The following TRMT11 variants were observed in gnomAD, a reference collection of about 807,000 sequenced individuals.
The protein encoded by TRMT11 is tRNA methyltransferase 11.
TRMT11 carries 53 observed loss-of-function variants against 62.8 expected under a neutral mutation model. The ratio of observed to expected loss-of-function variants is 0.84; its 90% CI spans 0.68 to 1.06. TRMT11 has a LOEUF of 1.06. Ranked by LOEUF, TRMT11 falls within the 50% of genes least tolerant of loss-of-function variation. The pLI is 0.00. For missense variants in TRMT11, 556 were observed against 553.4 expected (o/e 1.00, Z -0.05); for synonymous variants, 188 against 190.3 (o/e 0.99, Z 0.10).
In TRMT11 at chr6:125,998,262, A is replaced by T. The variant is rs1369362782; in HGVS notation, c.334A>T (p.Ile112Phe). 2 of 1,602,548 alleles carry T rather than the reference A, an allele frequency of 1.2e-6. No homozygotes were observed. The highest frequency in any genetic ancestry group is 1.3e-5 in the African/African-American group (1 of 74,622). The change falls in exon 5 of 13, where the codon ATT becomes TTT. Residue 112 changes from isoleucine (I) to phenylalanine (F), a missense_variant. Physicochemically the swap from Ile to Phe is conservative, Grantham distance 21. Coordinates refer to ENST00000334379, the MANE Select transcript of TRMT11 (RefSeq NM_001031712.3). ...LHSDSTYKIK[I>F]HTFNKTLTQE... Reference sequence around the variant, plus strand: ...TTCGGACTCTACATATAAAATAAAGATTCACACTTTTAATAAGACATTGAC... The same window carrying T: ...TTCGGACTCTACATATAAAATAAAGTTTCACACTTTTAATAAGACATTGAC...
intron 18 of TRMT11, among the ~76,000 whole-genome samples, chr6:126,114,680 A>G (rs1777568127): frequency 1.3e-5 from 2 of 152,082 alleles, no homozygotes; most frequent in Admixed American, 1.3e-4. Flanking sequence ...GGAATCATGT[A>G]TTATTCATCT....
chr6:126,112,798 G>C (rs932034847), intron 17 of TRMT11, among the ~76,000 whole-genome samples: 1 of 151,786 alleles, frequency 6.6e-6, no homozygotes, highest in South Asian at 2.1e-4. Flanking sequence ...CTTTCTTTCA[G>C]TCATTGACTG....
intron 21 of TRMT11, among the ~76,000 whole-genome samples, chr6:126,156,419 A>G (rs983441021): frequency 5.3e-5 from 8 of 152,148 alleles, no homozygotes; most frequent in Non-Finnish European, 8.8e-5. Flanking sequence ...AGGCTTTCCT[A>G]TCCATCCTCT....
At chr6:126,240,174 G>T in the TRMT11 span, among the ~76,000 whole-genome samples, 1 of 152,168 alleles carries the variant, frequency 6.6e-6, no homozygotes, top group Admixed American at 6.5e-5. Flanking sequence ...TTAGCTTGGA[G>T]AAGTTTGATC....
intron 17 of TRMT11, among the ~76,000 whole-genome samples, chr6:126,078,507 T>G (rs1320251983): frequency 6.6e-6 from 1 of 152,132 alleles, no homozygotes; most frequent in Non-Finnish European, 1.5e-5. Flanking sequence ...TGAAGAGGTT[T>G]CTATTTCATA....
At chr6:126,221,460 G>A in the TRMT11 span, among the ~76,000 whole-genome samples, 7 of 152,256 alleles carry the variant, frequency 4.6e-5, no homozygotes, top group South Asian at 4.1e-4. Flanking sequence ...TCTGACTGGT[G>A]TAAGATGGTA....
chr6:126,235,125 G>C, the TRMT11 span, among the ~76,000 whole-genome samples: 18 of 152,214 alleles, frequency 1.2e-4, no homozygotes, highest in African/African-American at 4.1e-4. Context: ...CTGATCATTA[G>C]AGCAATGCAA....
At chr6:126,095,031 C>T (rs975902680) in intron 17 of TRMT11, among the ~76,000 whole-genome samples, 1 of 152,136 alleles carries the variant, frequency 6.6e-6, no homozygotes, top group Non-Finnish European at 1.5e-5. Context: ...TGTTTTCATT[C>T]TACATTAAGA....
the TRMT11 span, among the ~76,000 whole-genome samples, chr6:126,261,441 C>T: frequency 4.1e-4 from 62 of 151,742 alleles, no homozygotes; most frequent in African/African-American, 1.4e-3. Context: ...TTTTTGGAGT[C>T]TGCTACTAAG....
At chr6:126,269,120 C>T in the TRMT11 span, among the ~76,000 whole-genome samples, 1 of 150,412 alleles carries the variant, frequency 6.6e-6, no homozygotes, top group Non-Finnish European at 1.5e-5. Flanking sequence ...AAAAATTAGC[C>T]GGGCGTAGTG....
chr6:126,134,547 G>A (rs1777828699), intron 21 of TRMT11, among the ~76,000 whole-genome samples: 1 of 151,810 alleles, frequency 6.6e-6, no homozygotes, highest in Admixed American at 6.6e-5. Context: ...TACAATAGAA[G>A]TAGGATACTT....
intron 2 of TRMT11, among the ~76,000 whole-genome samples, chr6:125,994,959 C>A (rs1791243444): frequency 6.6e-6 from 1 of 152,174 alleles, no homozygotes; most frequent in African/African-American, 2.4e-5. Flanking sequence ...AGGGAAACAA[C>A]ACACACTGGA....
chr6:126,077,260 G>A (rs1361061101), intron 17 of TRMT11, among the ~76,000 whole-genome samples: 1 of 152,160 alleles, frequency 6.6e-6, no homozygotes, highest in South Asian at 2.1e-4. Context: ...GGAGCCAAAA[G>A]AAGTTGGAGC....
chr6:126,204,382 G>A (rs1399439041), downstream of TRMT11, among the ~76,000 whole-genome samples: 3 of 152,142 alleles, frequency 2.0e-5, no homozygotes, highest in East Asian at 1.9e-4. Flanking sequence ...ATTCAGGACC[G>A]GATTCTCTGC....
At chr6:126,087,978 G>A (rs545310127) in intron 17 of TRMT11, among the ~76,000 whole-genome samples, 1 of 152,232 alleles carries the variant, frequency 6.6e-6, no homozygotes, top group Non-Finnish European at 1.5e-5. Flanking sequence ...CTCTAATGAT[G>A]TTTTTGTGTG....
intron 2 of TRMT11, 44 bp downstream of exon 2, chr6:125,993,866 T>C: frequency 8.3e-7 from 1 of 1,204,000 alleles, no homozygotes. Flanking sequence ...TACTTAGAAA[T>C]AGAGCCTTGG....
At chr6:126,225,294 T>C in the TRMT11 span, among the ~76,000 whole-genome samples, 4 of 152,254 alleles carry the variant, frequency 2.6e-5, no homozygotes, top group South Asian at 6.2e-4. Flanking sequence ...CTCCTGCAGC[T>C]AGGATCCTGG....
the TRMT11 span, among the ~76,000 whole-genome samples, chr6:126,244,356 T>C: frequency 6.6e-6 from 1 of 152,286 alleles, no homozygotes; most frequent in Non-Finnish European, 1.5e-5. Flanking sequence ...TTTCTGAGAG[T>C]TGTTTGTAAA....
downstream of TRMT11, among the ~76,000 whole-genome samples, chr6:126,044,167 C>T (rs1267011931): frequency 6.6e-6 from 1 of 152,008 alleles, no homozygotes; most frequent in Non-Finnish European, 1.5e-5. Context: ...AGGTTTTCTT[C>T]TAGGGTTTTT....
Sources: gnomAD v4.1 joint callset for allele counts (sites outside exome capture counted in the v4.1 genomes callset) on GRCh38, gnomAD v4.1.1 for gene constraint, MANE v1.5 for transcripts, NCBI Gene and HGNC (gene_info 2026-07-23, HGNC 2026-07-21) for gene names.